The following ZNF394 variants were observed in gnomAD, a reference collection of about 807,000 sequenced individuals.
The protein encoded by ZNF394 is zinc finger protein 394.
A neutral mutation model predicts 21.8 loss-of-function variants in ZNF394; 19 were observed. That is an observed-to-expected ratio of 0.87 (90% CI 0.61 to 1.28). The LOEUF is 1.28. Among genes scored for constraint, ZNF394 ranks in the 50% most tolerant of loss-of-function variants. The pLI, the probability that ZNF394 is intolerant of heterozygous loss-of-function variation, is 0.00. For synonymous variants in ZNF394, 294 were observed against 273.3 expected (o/e 1.08, Z -0.75); for missense variants, 683 against 708.6 (o/e 0.96, Z 0.41).
chr7:99,491,152 CTTCA>C (rs1800153980), downstream of ZNF394, among the ~76,000 whole-genome samples: 1 of 152,314 alleles, frequency 6.6e-6, no homozygotes, highest in South Asian at 2.1e-4. Context: ...ACTCTCTTCC[CTTCA>C]TTTTCACAGG....
intron 2 of ZNF394, among the ~76,000 whole-genome samples, chr7:99,496,728 A>G (rs1431315081): frequency 6.6e-6 from 1 of 150,932 alleles, no homozygotes; most frequent in Non-Finnish European, 1.5e-5. Flanking sequence ...ATGTATTACT[A>G]TTTTTTTTAT....
chr7:99,487,582 G>GT, intron 1 of ZNF394: 1 of 1,431,120 alleles, frequency 7.0e-7, no homozygotes, highest in Non-Finnish European at 9.4e-7. Context: ...AGCAATAAAT[G>GT]TAACAAAGGG....
At chr7:99,492,167 G>C (rs1318478865), downstream of ZNF394, among the ~76,000 whole-genome samples, 1 of 151,910 alleles carries the variant, frequency 6.6e-6, no homozygotes, top group Non-Finnish European at 1.5e-5. Context: ...TGCAAAATTA[G>C]GTTTTCTGGA....
At chr7:99,491,218 AT>A (rs1800154748), downstream of ZNF394, among the ~76,000 whole-genome samples, 1 of 152,124 alleles carries the variant, frequency 6.6e-6, no homozygotes, top group Non-Finnish European at 1.5e-5. Context: ...CTTATGTTCT[AT>A]TTTATTCACT....
At chr7:99,490,951 C>T (rs1281547336), downstream of ZNF394, among the ~76,000 whole-genome samples, 1 of 152,104 alleles carries the variant, frequency 6.6e-6, no homozygotes, top group African/African-American at 2.4e-5. Context: ...CACCCAGAAG[C>T]CACCTACACC....
intron 2 of ZNF394, among the ~76,000 whole-genome samples, chr7:99,496,679 G>A (rs1412998185): frequency 6.6e-6 from 1 of 152,068 alleles, no homozygotes; most frequent in African/African-American, 2.4e-5. Flanking sequence ...CTCCCAAAGT[G>A]CTGAGATTTA....
chr7:99,494,033 G>A lies in ZNF394; in HGVS notation c.1182C>T (p.Ser394=), dbSNP rs1430907375. The A allele has an allele frequency of 3.7e-6, 6 of 1,614,184 alleles. No homozygotes were observed. The highest frequency in any genetic ancestry group is 5.1e-6 in the Non-Finnish European group (6 of 1,180,036). The change falls in exon 3 of 3, where the codon AGC becomes AGT. Residue 394 remains serine, a synonymous_variant. Transcript: ENST00000337673. The stretch of plus-strand genomic sequence containing the variant: ...TGGTCAGGGCAGCACTCTGGCTGAA[G>A]CTTTTCCCACATTCTTGGCAGCCAT... ...KPYGCQECGK[S]FSQSAALTKH...
chr7:99,493,420 C>T lies in ZNF394; in HGVS notation c.*109G>A, dbSNP rs769764970. 152 of 1,116,676 alleles carry T rather than the reference C, an allele frequency of 1.4e-4. No homozygotes were observed. Among genetic ancestry groups the T allele is most frequent in the Non-Finnish European group, 1.9e-4 (151 of 798,530 alleles). The allele number at this position is 1,116,676 out of a possible 1,614,324, so 69.2% of individuals were successfully genotyped here. On this transcript the variant is annotated 3_prime_UTR_variant, in exon 3 of 3. Coordinates refer to ENST00000337673, the MANE Select transcript of ZNF394 (RefSeq NM_032164.4). The stretch of plus-strand genomic sequence containing the variant: ...TACAGGCATGCACCACCATGCCCGG[C>T]TCATTTTTGTATTTTTAGTAGAGAC...
intron 2 of ZNF394, among the ~76,000 whole-genome samples, chr7:99,497,048 CTA>C (rs1320175070): frequency 1.5e-5 from 2 of 135,578 alleles, no homozygotes; most frequent in African/African-American, 5.8e-5. Context: ...GTACCAAAGC[CTA>C]TATATATATG....
At chr7:99,488,975 T>A (rs1321371040), downstream of ZNF394, among the ~76,000 whole-genome samples, 3 of 136,816 alleles carry the variant, frequency 2.2e-5, no homozygotes, top group African/African-American at 8.2e-5. Context: ...AAAATGAGTA[T>A]GTTAGATTCT....
chr7:99,490,106 G>C (rs1302403059), downstream of ZNF394, among the ~76,000 whole-genome samples: 4 of 151,360 alleles, frequency 2.6e-5, no homozygotes, highest in Admixed American at 2.6e-4. Flanking sequence ...CTTCAACCCA[G>C]GAGTTTGAGA....
In ZNF394 at chr7:99,493,773, C is replaced by A; in HGVS notation, c.1442G>T (p.Arg481Leu). 6.2e-7 allele frequency: 1 copy of A among 1,614,168 alleles called. No homozygotes were observed. Among genetic ancestry groups the A allele is most frequent in the Non-Finnish European group, 8.5e-7 (1 of 1,180,026 alleles). Reference sequence around the variant, plus strand: ...TCTGTGGTGTTTAAAGAGGTCAGAGCGCTGTTTGAAGCTCTTCTCGCATTC... The same window carrying A: ...TCTGTGGTGTTTAAAGAGGTCAGAGAGCTGTTTGAAGCTCTTCTCGCATTC... ...CEECEKSFKQ[R>L]SDLFKHHRIH... Residue 481 changes from arginine (R) to leucine (L), a missense_variant, in exon 3 of 3, where the codon CGC (arginine) becomes CTC (leucine). By Grantham distance (102) the Arg-to-Leu change is moderately radical. Coordinates refer to ENST00000337673, the MANE Select transcript of ZNF394 (RefSeq NM_032164.4).
At chr7:99,487,458 G>C (rs371552407) in intron 1 of ZNF394, 3 of 1,613,834 alleles carry the variant, frequency 1.9e-6, no homozygotes, top group Non-Finnish European at 2.5e-6. Flanking sequence ...TTAAGCACCA[G>C]GGCACTCACA....
intron 2 of ZNF394, among the ~76,000 whole-genome samples, chr7:99,496,707 G>A (rs1250357774): frequency 2.0e-5 from 3 of 151,710 alleles, no homozygotes; most frequent in Non-Finnish European, 4.4e-5. Flanking sequence ...GAGCTATCAC[G>A]CCCGGCCAAA....
chr7:99,486,826 T>C, exon 2 of ZNF394: 1 of 1,614,180 alleles, frequency 6.2e-7, no homozygotes, highest in Non-Finnish European at 8.5e-7. Context: ...ATGCAGTGAA[T>C]GTGGAAAAGT....
intron 1 of ZNF394, among the ~76,000 whole-genome samples, chr7:99,499,055 T>C (rs1800434403): frequency 6.6e-6 from 1 of 152,144 alleles, no homozygotes; most frequent in Non-Finnish European, 1.5e-5. Flanking sequence ...CACTGTGATG[T>C]ATGGGAATGG....
At chr7:99,499,389 G>A (rs1281076362) in intron 1 of ZNF394, among the ~76,000 whole-genome samples, 87 of 124,108 alleles carry the variant, frequency 7.0e-4, no homozygotes, top group Admixed American at 1.4e-3. Context: ...ACAACAGCAA[G>A]AACAACAAGA....
chr7:99,497,140 ATGT>A lies in ZNF394; in HGVS notation c.583+1573_583+1575del, dbSNP rs1562894700. Among the ~76,000 whole-genome samples, 5 of 124,526 alleles carry A rather than the reference ATGT, an allele frequency of 4.0e-5. No homozygotes were observed. In the East Asian group the frequency reaches 8.5e-4, roughly 21 times the overall value. The allele number at this position is 124,526 out of a possible 152,430, so 81.7% of individuals were successfully genotyped here. On this transcript the variant is annotated intron_variant, in intron 2 of 2. Transcript: ENST00000337673. ...TGTGTGTGTATATATATATATATAT[ATGT>A]ATATATATATATAAAATGTTTTTTC...
chr7:99,497,126 ATATATATATATATATG>A (rs1439932410), intron 2 of ZNF394, among the ~76,000 whole-genome samples: 2 of 105,438 alleles, frequency 1.9e-5, no homozygotes, highest in African/African-American at 6.4e-5. Context: ...GTGTGTGTAT[ATATATATATATATATG>A]TATATATATA....
Sources: allele counts gnomAD v4.1 joint callset (sites outside exome capture counted in the v4.1 genomes callset), GRCh38; gene constraint gnomAD v4.1.1; transcripts MANE v1.5; gene names NCBI Gene and HGNC (gene_info 2026-07-23, HGNC 2026-07-21).